The following TUFT1 variants were observed in gnomAD, a reference collection of about 807,000 sequenced individuals.
TUFT1 encodes the protein tuftelin 1.
Under a neutral mutation model 57.8 loss-of-function variants are expected in TUFT1, and 43 were observed. The ratio of observed to expected loss-of-function variants is 0.74; its 90% CI spans 0.58 to 0.96. The LOEUF is 0.96. Among genes scored for constraint, TUFT1 ranks in the 40% least tolerant of loss-of-function variants. The pLI is 0.00. For missense variants in TUFT1, 459 were observed against 489.0 expected, an observed-to-expected ratio of 0.94 and a Z score of 0.58; for synonymous variants, 166 against 176.7, an observed-to-expected ratio of 0.94 and a Z score of 0.48.
chr1:151,576,507 G>C (rs1666466555), intron 9 of TUFT1, among the ~76,000 whole-genome samples: 1 of 152,130 alleles, frequency 6.6e-6, no homozygotes, highest in African/African-American at 2.4e-5. Flanking sequence ...CAAGTAGTGG[G>C]GTCTAGGGTA....
rs1254046683 is a variant in TUFT1, at chr1:151,581,912, A to G, written c.*205A>G. On this transcript the variant is annotated 3_prime_UTR_variant, in exon 13 of 13. Coordinates refer to ENST00000368849, the MANE Select transcript of TUFT1 (RefSeq NM_020127.3). ...CACGAGCACCTATTCAAGGCACTGC[A>G]GCCCTTTGGAAGACATTGTCCTGCA... 1 of 628,856 alleles carries G rather than the reference A, an allele frequency of 1.6e-6. No homozygotes were observed. Among genetic ancestry groups the G allele is most frequent in the Non-Finnish European group, 2.9e-6 (1 of 349,968 alleles). The allele number at this position is 628,856 out of a possible 1,614,324, so 39.0% of individuals were successfully genotyped here.
intron 9 of TUFT1, among the ~76,000 whole-genome samples, chr1:151,575,390 G>A (rs1043152359): frequency 9.2e-5 from 14 of 152,072 alleles, no homozygotes; most frequent in Non-Finnish European, 1.9e-4. Flanking sequence ...ACTGTTTGAG[G>A]GTAAAATTGA....
Position 151,576,783 on chromosome 1 carries a change from C to T in TUFT1, c.818+1778C>T, listed in dbSNP as rs559977910. 2.0e-5 allele frequency among the ~76,000 whole-genome samples: 3 copies of T among 152,148 alleles called. No homozygotes were observed. In the East Asian group the frequency reaches 5.8e-4, roughly 29 times the overall value. Reference sequence around the variant, plus strand: ...GGACTACAGGCGTGTGCCACCACACCCGGCTAATTTTGTGTATTTTTAGTA... The same window carrying T: ...GGACTACAGGCGTGTGCCACCACACTCGGCTAATTTTGTGTATTTTTAGTA... On this transcript the variant is annotated intron_variant, in intron 9 of 12. Coordinates refer to ENST00000368849, the MANE Select transcript of TUFT1 (RefSeq NM_020127.3).
chr1:151,567,116 C>T (rs941276662), intron 6 of TUFT1, among the ~76,000 whole-genome samples: 3 of 152,190 alleles, frequency 2.0e-5, no homozygotes, highest in Non-Finnish European at 4.4e-5. Flanking sequence ...GCCCAGGCTG[C>T]TCTTGAATTC....
rs772172079 is a variant in TUFT1, at chr1:151,540,363, G to T, written c.-4G>T. 6.2e-6 allele frequency: 10 copies of T among 1,614,154 alleles called. No individual in the cohort carries two copies. Among genetic ancestry groups the T allele is most frequent in the Non-Finnish European group, 8.5e-6 (10 of 1,179,986 alleles). On this transcript the variant is annotated 5_prime_UTR_variant, in exon 1 of 13. Coordinates refer to ENST00000368849, the MANE Select transcript of TUFT1 (RefSeq NM_020127.3). ...TGGCGTGTGTGCTGCGACCCCGAGG[G>T]AAGATGAACGGGACGCGGAACTGGT...
chr1:151,564,724 A>C (rs1213048109), intron 5 of TUFT1, 110 bp downstream of exon 5: 2 of 897,390 alleles, frequency 2.2e-6, no homozygotes, highest in East Asian at 5.2e-5. Context: ...CCCTGCCAGG[A>C]ATGGAGAAAA....
intron 1 of TUFT1, 103 bp downstream of exon 1, chr1:151,540,529 C>T: frequency 2.2e-6 from 3 of 1,342,638 alleles, no homozygotes; most frequent in African/African-American, 1.4e-5. Context: ...ACCTGGTGCC[C>T]GGCTCGCGCG....
Position 151,574,268 on chromosome 1 carries a change from A to G in TUFT1, c.595-2A>G, listed in dbSNP as rs1666365117. 1 of 1,612,730 alleles carries G rather than the reference A, an allele frequency of 6.2e-7. No homozygotes were observed. The highest frequency in any genetic ancestry group is 1.3e-5 in the African/African-American group (1 of 74,836). ...TTAACATATTCCTGCTCCGTGTTTT[A>G]GGTCACACTCAGCCGGTACCAGAGG... is the stretch of plus-strand genomic sequence containing the variant. On this transcript the variant is annotated splice_acceptor_variant, in intron 7 of 12. Coordinates refer to ENST00000368849, the MANE Select transcript of TUFT1 (RefSeq NM_020127.3). LOFTEE classifies it high-confidence loss of function.
At chr1:151,559,220 G>C (rs2102532701) in intron 1 of TUFT1, among the ~76,000 whole-genome samples, 1 of 152,300 alleles carries the variant, frequency 6.6e-6, no homozygotes, top group Non-Finnish European at 1.5e-5. Context: ...AGCATTCTCT[G>C]TGCATTCAGA....
chr1:151,560,579 C>G (rs1665851585), intron 1 of TUFT1, among the ~76,000 whole-genome samples: 1 of 152,178 alleles, frequency 6.6e-6, no homozygotes. Context: ...AAACCTGTTA[C>G]CAGTAAGATG....
chr1:151,569,558 C>T (rs1029747649), intron 6 of TUFT1, 99 bp from the exon 7 acceptor site: 34 of 923,214 alleles, frequency 3.7e-5, no homozygotes, highest in Middle Eastern at 2.3e-4. Context: ...GTGGTCTGGA[C>T]GAGATGGTCC....
At chr1:151,548,150 G>A (rs775051089) in intron 1 of TUFT1, among the ~76,000 whole-genome samples, 9 of 152,154 alleles carry the variant, frequency 5.9e-5, no homozygotes, top group Admixed American at 2.6e-4. Context: ...AGTCGGGTGC[G>A]AGCCTCACTC....
rs750848316 is a variant in TUFT1 at position 151,540,390 on chromosome 1, T to C, written c.24T>C (p.Cys8=). 2 of 1,614,176 alleles carry C rather than the reference T, an allele frequency of 1.2e-6. No individual in the cohort carries two copies. The highest frequency in any genetic ancestry group is 2.2e-5 in the East Asian group (1 of 44,872). The change falls in exon 1 of 13, where the codon TGT becomes TGC. Residue 8 remains cysteine, a synonymous_variant. Coordinates refer to ENST00000368849, the MANE Select transcript of TUFT1 (RefSeq NM_020127.3). The part of the protein sequence containing the change: MNGTRNW[C]TLVDVHPEDQ... ...AGATGAACGGGACGCGGAACTGGTG[T>C]ACCCTGGTGGACGTGCACCCAGAGG...
intron 1 of TUFT1, chr1:151,557,340 G>T: frequency 1.7e-6 from 1 of 581,442 alleles, no homozygotes; most frequent in South Asian, 2.3e-5. Context: ...CATACATTTA[G>T]AACCACATCA....
chr1:151,560,957 TG>T (rs1362924263), intron 1 of TUFT1, among the ~76,000 whole-genome samples: 2,567 of 8,738 alleles, frequency 0.29, 78 homozygotes, highest in Middle Eastern at 0.5. Flanking sequence ...TGCAAAGTAT[TG>T]TGTGTGTGTG....
In TUFT1 at chr1:151,581,886, GC is replaced by G; in HGVS notation, c.*180del. ...GGCCACTCTAAGCTGGGCAGACGGAGCACGAGCACCTATTCAAGGCACTGCA... is the reference window on the plus strand; with the variant it reads ...GGCCACTCTAAGCTGGGCAGACGGAGACGAGCACCTATTCAAGGCACTGCA... On this transcript the variant is annotated 3_prime_UTR_variant, in exon 13 of 13. Coordinates refer to ENST00000368849, the MANE Select transcript of TUFT1 (RefSeq NM_020127.3). The G allele has an allele frequency of 1.5e-6, 1 of 657,134 alleles. No individual in the cohort carries two copies. The highest frequency in any genetic ancestry group is 2.7e-6 in the Non-Finnish European group (1 of 368,880). 40.7% of individuals were successfully genotyped at this position (657,134 alleles called of 1,614,324 possible).
At chr1:151,572,839 G>C (rs1440062645) in intron 7 of TUFT1, among the ~76,000 whole-genome samples, 1 of 152,192 alleles carries the variant, frequency 6.6e-6, no homozygotes, top group Non-Finnish European at 1.5e-5. Context: ...CTCCTCCCCA[G>C]TTCTGACCTT....
At position 151,583,576 on chromosome 1, in the gene TUFT1, CT is replaced by C. The variant is rs1481098865; in HGVS notation, c.*1870del. The C allele has an allele frequency of 2.0e-5, 3 of 152,158 alleles. No homozygotes were observed. Among genetic ancestry groups the C allele is most frequent in the Non-Finnish European group, 4.4e-5 (3 of 68,026 alleles). 9.4% of individuals were successfully genotyped at this position (152,158 alleles called of 1,614,324 possible). A position where few individuals can be genotyped will look rare whatever the true frequency, so the allele number is the denominator to read the frequency against. The stretch of plus-strand genomic sequence containing the variant: ...AATTTAATAAATTATATTAATGTGT[CT>C]CTTTGACCTCCTGGTCTGGTTTCCT... On this transcript the variant is annotated 3_prime_UTR_variant, in exon 13 of 13. Coordinates refer to ENST00000368849, the MANE Select transcript of TUFT1 (RefSeq NM_020127.3).
At chr1:151,568,682 G>A (rs1465797896) in intron 6 of TUFT1, among the ~76,000 whole-genome samples, 2 of 152,226 alleles carry the variant, frequency 1.3e-5, no homozygotes, top group Non-Finnish European at 1.5e-5. Flanking sequence ...ACTTGCTTTA[G>A]ATGGGCAGCT....
Sources: gnomAD v4.1 joint callset for allele counts (sites outside exome capture counted in the v4.1 genomes callset) on GRCh38, gnomAD v4.1.1 for gene constraint, MANE v1.5 for transcripts, NCBI Gene and HGNC (gene_info 2026-07-23, HGNC 2026-07-21) for gene names.